PUDP: variants seen among roughly 807,000 people sequenced by gnomAD.
The protein encoded by PUDP is pseudouridine-5'-phosphatase.
PUDP carries 8 observed loss-of-function variants against 9.4 expected under a neutral mutation model. The observed-to-expected ratio is 0.85, with a 90% CI of 0.50 to 1.53. The LOEUF (loss-of-function observed/expected upper bound fraction) is 1.53. PUDP is among the 40% of genes most tolerant of loss of function. The pLI is 0.00. For missense variants in PUDP, 188 were observed against 189.7 expected (o/e 0.99, Z 0.05); for synonymous variants, 99 against 80.7 (o/e 1.23, Z -1.22).
intron 3 of PUDP, among the ~76,000 whole-genome samples, chrX:6,859,609 C>T (rs1926966496): frequency 9.0e-6 from 1 of 111,184 alleles, no homozygotes; most frequent in Non-Finnish European, 1.9e-5. Flanking sequence ...GTGACCTTTG[C>T]AATTGCTCCC....
chrX:6,878,444 G>A (rs902344301), intron 3 of PUDP, among the ~76,000 whole-genome samples: 1 of 108,607 alleles, frequency 9.2e-6, no homozygotes, highest in African/African-American at 3.4e-5. Flanking sequence ...ATAGCTCACT[G>A]CAATGGCCTC....
intron 3 of PUDP, among the ~76,000 whole-genome samples, chrX:6,951,308 A>G (rs1357628866): frequency 1.8e-5 from 2 of 109,615 alleles, no homozygotes; most frequent in Non-Finnish European, 3.8e-5. Flanking sequence ...CCATCCATCC[A>G]TTATATCTAC....
intron 3 of PUDP, among the ~76,000 whole-genome samples, chrX:6,757,486 A>G (rs1172776988): frequency 9.0e-6 from 1 of 111,290 alleles, no homozygotes; most frequent in Non-Finnish European, 1.9e-5. Context: ...ACCATCAGGA[A>G]CTAGATATAT....
At chrX:6,972,961 T>C (rs1408231803) in intron 3 of PUDP, among the ~76,000 whole-genome samples, 2 of 112,214 alleles carry the variant, frequency 1.8e-5, no homozygotes, top group East Asian at 5.5e-4. Context: ...CAGGAATTTA[T>C]CCATTTCTTC....
In PUDP at chrX:6,905,032, C is replaced by T. The variant is rs778446172; in HGVS notation, c.*247+72101G>A. ...CTGACTGCTTGAATAAATCCAACCACGGCTCTCTTCTTTACTTCATCTCCT... is the reference window on the plus strand; with the variant it reads ...CTGACTGCTTGAATAAATCCAACCATGGCTCTCTTCTTTACTTCATCTCCT... On this transcript the variant is annotated intron_variant and NMD_transcript_variant, in intron 3 of 3. Transcript: ENST00000655425. 2.1e-4 allele frequency among the ~76,000 whole-genome samples: 24 copies of T among 112,172 alleles called. No individual in the cohort carries two copies. The South Asian group carries it at 3.7e-3, about 17-fold the overall frequency.
At chrX:7,012,754 T>C (rs1929495033) in intron 1 of PUDP, among the ~76,000 whole-genome samples, 1 of 111,125 alleles carries the variant, frequency 9.0e-6, no homozygotes, top group South Asian at 3.9e-4. Context: ...TCTTGACTTC[T>C]CTCTGCAAAT....
In PUDP at chrX:6,831,055, T is replaced by C. The variant is rs375117440; in HGVS notation, c.*248-124589A>G. 1.2e-4 allele frequency among the ~76,000 whole-genome samples: 13 copies of C among 111,403 alleles called. No homozygotes were observed. The East Asian group carries it at 3.7e-3, about 31-fold the overall frequency. ...GGGGTTGGAAAGTGGGAAGTGCTAATTGGTCAGGTCTGAGGTGAAATCATA... is the reference window on the plus strand; with the variant it reads ...GGGGTTGGAAAGTGGGAAGTGCTAACTGGTCAGGTCTGAGGTGAAATCATA... On this transcript the variant is annotated intron_variant and NMD_transcript_variant, in intron 3 of 3. Coordinates refer to the PUDP transcript ENST00000655425.
chrX:6,854,041 G>C (rs1418918934), intron 3 of PUDP, among the ~76,000 whole-genome samples: 3 of 111,681 alleles, frequency 2.7e-5, no homozygotes, highest in Non-Finnish European at 1.9e-5. Context: ...TGGGATTATA[G>C]GTATGAGGAA....
At chrX:6,918,623 G>T in intron 3 of PUDP, among the ~76,000 whole-genome samples, 1 of 112,500 alleles carries the variant, frequency 8.9e-6, no homozygotes, top group Non-Finnish European at 1.9e-5. Flanking sequence ...AGGCTAGGAA[G>T]TCCAAGATCA....
chrX:6,710,647 T>C (rs1039326568), intron 1 of PUDP, among the ~76,000 whole-genome samples: 3 of 112,064 alleles, frequency 2.7e-5, no homozygotes, highest in African/African-American at 9.7e-5. Flanking sequence ...TTCATTGTGG[T>C]GGATGTCAGA....
chrX:6,772,602 ATCTGACT>A (rs1925382141), intron 3 of PUDP, among the ~76,000 whole-genome samples: 2 of 104,057 alleles, frequency 1.9e-5, no homozygotes, highest in African/African-American at 7.0e-5. Flanking sequence ...AGTATGGATT[ATCTGACT>A]TTCAGAGAAA....
At chrX:6,883,338 A>G (rs1927374719) in intron 3 of PUDP, among the ~76,000 whole-genome samples, 1 of 110,559 alleles carries the variant, frequency 9.0e-6, no homozygotes, top group Non-Finnish European at 1.9e-5. Flanking sequence ...ATTGGCCAAC[A>G]TGGCGAAACC....
chrX:6,934,072 A>C (rs1337560527), intron 3 of PUDP, among the ~76,000 whole-genome samples: 2 of 100,226 alleles, frequency 2.0e-5, no homozygotes, highest in African/African-American at 7.3e-5. Context: ...GGTATTATCC[A>C]GGAGAACTTC....
intron 3 of PUDP, among the ~76,000 whole-genome samples, chrX:6,744,088 C>G (rs1217558176): frequency 9.0e-6 from 1 of 111,575 alleles, no homozygotes; most frequent in Non-Finnish European, 1.9e-5. Context: ...GACTTGGTGT[C>G]AGGTATTTGT....
intron 3 of PUDP, among the ~76,000 whole-genome samples, chrX:6,905,065 G>A (rs538831752): frequency 8.9e-6 from 1 of 111,827 alleles, no homozygotes; most frequent in Non-Finnish European, 1.9e-5. Flanking sequence ...CCTTGGTAGT[G>A]CACTTTCTCA....
chrX:6,912,723 G>A (rs1045343065), intron 3 of PUDP, among the ~76,000 whole-genome samples: 4 of 111,910 alleles, frequency 3.6e-5, no homozygotes, highest in Middle Eastern at 4.6e-3. Flanking sequence ...AAGGAAAAGC[G>A]AACTATTTTG....
At chrX:6,973,039 G>A (rs1379902373) in intron 3 of PUDP, among the ~76,000 whole-genome samples, 1 of 111,812 alleles carries the variant, frequency 8.9e-6, no homozygotes, top group East Asian at 2.8e-4. Context: ...TATTTCTGTG[G>A]GATCAGTGGT....
At chrX:7,017,444 G>C (rs1449382821) in intron 1 of PUDP, among the ~76,000 whole-genome samples, 1 of 112,066 alleles carries the variant, frequency 8.9e-6, no homozygotes, top group African/African-American at 3.3e-5. Flanking sequence ...ATGGGGAATG[G>C]GACTGAGCAA....
At position 7,078,284 on chromosome X, in the gene PUDP, G is replaced by C. The variant is rs751011761; in HGVS notation, c.281-835C>G. ...CATCTAAATCCACACAAGGTGTGACGGTTTGCCTAAAATTTCATTTTATTT... is the reference window on the plus strand; with the variant it reads ...CATCTAAATCCACACAAGGTGTGACCGTTTGCCTAAAATTTCATTTTATTT... On this transcript the variant is annotated intron_variant, in intron 2 of 3. Transcript: ENST00000381077. Among the ~76,000 whole-genome samples, 3 of 112,267 alleles carry C rather than the reference G, an allele frequency of 2.7e-5. No individual in the cohort carries two copies. The South Asian group carries it at 1.1e-3, about 42-fold the overall frequency.
Sources: allele counts gnomAD v4.1 joint callset (sites outside exome capture counted in the v4.1 genomes callset), GRCh38; gene constraint gnomAD v4.1.1; transcripts MANE v1.5; gene names NCBI Gene and HGNC (gene_info 2026-07-23, HGNC 2026-07-21).